The following SOX5 variants were observed in gnomAD, a reference collection of about 807,000 sequenced individuals.
SOX5 encodes transcription factor SOX-5.
Under a neutral mutation model 92.0 loss-of-function variants are expected in SOX5, and 9 were observed. That is an observed-to-expected ratio of 0.10 (90% CI 0.06 to 0.17). The LOEUF is 0.17. SOX5 is among the 10% of genes least tolerant of loss of function. The probability of loss-of-function intolerance (pLI) is 1.00; values close to 1 mark genes in which losing one functional copy is unlikely to be tolerated. For synonymous variants in SOX5, 344 were observed against 336.3 expected (o/e 1.02, Z -0.25); for missense variants, 642 against 944.5 (o/e 0.68, Z 4.20).
chr12:24,458,989 C>A (rs1253130445), intron 1 of SOX5, among the ~76,000 whole-genome samples: 2 of 152,070 alleles, frequency 1.3e-5, no homozygotes, highest in Admixed American at 1.3e-4. Context: ...AGATGAACTA[C>A]CCAAAAAGAC....
chr12:23,982,811 T>C (rs1369708278), intron 4 of SOX5, among the ~76,000 whole-genome samples: 1 of 151,874 alleles, frequency 6.6e-6, no homozygotes, highest in East Asian at 1.9e-4. Context: ...AATAATAATA[T>C]CTTTTAAATT....
At chr12:23,802,881 G>C (rs1305974583) in intron 3 of SOX5, among the ~76,000 whole-genome samples, 1 of 152,072 alleles carries the variant, frequency 6.6e-6, no homozygotes, top group Non-Finnish European at 1.5e-5. Context: ...GATCCGATTA[G>C]TAACTGCCTA....
chr12:24,420,484 T>G (rs1046665387), intron 1 of SOX5, among the ~76,000 whole-genome samples: 3 of 152,184 alleles, frequency 2.0e-5, no homozygotes, highest in Admixed American at 6.5e-5. Flanking sequence ...GGAGAATGCT[T>G]AAATTCATGA....
chr12:23,937,838 A>G (rs1942912707), intron 1 of SOX5, among the ~76,000 whole-genome samples: 1 of 150,948 alleles, frequency 6.6e-6, no homozygotes, highest in Non-Finnish European at 1.5e-5. Context: ...TCAAAACCCT[A>G]TGGTTTTTCT....
chr12:23,941,401 C>T (rs1402345345), intron 1 of SOX5, among the ~76,000 whole-genome samples: 2 of 151,358 alleles, frequency 1.3e-5, no homozygotes, highest in Non-Finnish European at 3.0e-5. Flanking sequence ...AAATTAGATC[C>T]ATATTATTTT....
intron 6 of SOX5, among the ~76,000 whole-genome samples, chr12:23,719,912 C>T (rs958069817): frequency 6.6e-6 from 1 of 150,590 alleles, no homozygotes; most frequent in African/African-American, 2.4e-5. Flanking sequence ...ATGGGAATGA[C>T]TGGGTACAAA....
chr12:24,379,695 C>T (rs151035603), intron 1 of SOX5, among the ~76,000 whole-genome samples: 2 of 152,264 alleles, frequency 1.3e-5, no homozygotes, highest in East Asian at 1.9e-4. Context: ...GTGTGACTCC[C>T]GGGTTCCAAC....
intron 1 of SOX5, among the ~76,000 whole-genome samples, chr12:24,384,564 C>T (rs1427754704): frequency 6.6e-6 from 1 of 152,146 alleles, no homozygotes; most frequent in Non-Finnish European, 1.5e-5. Flanking sequence ...AAATCTTATG[C>T]AGAGGCTGCT....
chr12:23,547,743 T>C (rs1943411525), intron 11 of SOX5, among the ~76,000 whole-genome samples: 1 of 152,112 alleles, frequency 6.6e-6, no homozygotes, highest in Non-Finnish European at 1.5e-5. Flanking sequence ...GTAGAGAAAC[T>C]GGAGACAAAA....
intron 1 of SOX5, among the ~76,000 whole-genome samples, chr12:24,402,310 G>C (rs1263772301): frequency 6.6e-6 from 1 of 152,078 alleles, no homozygotes; most frequent in Non-Finnish European, 1.5e-5. Flanking sequence ...TGTAAATCCA[G>C]AAATATGAAA....
chr12:23,621,773 A>C (rs1336731059), intron 8 of SOX5, among the ~76,000 whole-genome samples: 1 of 152,158 alleles, frequency 6.6e-6, no homozygotes, highest in Non-Finnish European at 1.5e-5. Context: ...AAGTTAAAGA[A>C]TGCTCTGAAA....
At position 24,275,538 on chromosome 12, in the gene SOX5, C is replaced by T. The variant is rs537278850; in HGVS notation, c.-77+1678G>A. 3.3e-5 allele frequency among the ~76,000 whole-genome samples: 5 copies of T among 152,126 alleles called. No homozygotes were observed. The East Asian group carries it at 5.8e-4, about 18-fold the overall frequency. The stretch of plus-strand genomic sequence containing the variant: ...TGAAATACTCATTTCATTCTGGTTG[C>T]AGGATATCCCATCATATAAATGTAT... On this transcript the variant is annotated intron_variant, in intron 3 of 4. Transcript: ENST00000446891.
upstream of SOX5, among the ~76,000 whole-genome samples, chr12:23,956,001 A>G (rs1946238720): frequency 6.6e-6 from 1 of 152,172 alleles, no homozygotes; most frequent in South Asian, 2.1e-4. Flanking sequence ...TTAGTACACA[A>G]CATTCAGAGA....
chr12:23,885,572 A>G (rs1242278261), intron 2 of SOX5, among the ~76,000 whole-genome samples: 3 of 152,120 alleles, frequency 2.0e-5, no homozygotes, highest in Non-Finnish European at 2.9e-5. Flanking sequence ...AAGACACAAA[A>G]TCTAGTCACT....
chr12:23,836,766 G>T (rs941092206), intron 3 of SOX5, among the ~76,000 whole-genome samples: 2 of 151,846 alleles, frequency 1.3e-5, no homozygotes, highest in African/African-American at 4.8e-5. Flanking sequence ...ATCACAACCT[G>T]CTGTTCATTT....
intron 1 of SOX5, among the ~76,000 whole-genome samples, chr12:24,444,980 C>A (rs1941239549): frequency 6.6e-6 from 1 of 152,146 alleles, no homozygotes; most frequent in Admixed American, 6.5e-5. Context: ...CCAAAGACAA[C>A]ACTACAGCAA....
chr12:23,558,556 C>G (rs1427081821), intron 11 of SOX5, among the ~76,000 whole-genome samples: 2 of 152,186 alleles, frequency 1.3e-5, no homozygotes, highest in Non-Finnish European at 2.9e-5. Flanking sequence ...ACTCATGCCA[C>G]CAACCTCCTA....
intron 2 of SOX5, among the ~76,000 whole-genome samples, chr12:24,362,866 GAAAAA>G (rs35979193): frequency 2.0e-5 from 2 of 102,156 alleles, no homozygotes; most frequent in African/African-American, 3.9e-5. Context: ...AAACCACAGT[GAAAAA>G]AAAAAAAAAA....
chr12:23,678,297 G>C (rs1287771198), intron 6 of SOX5, among the ~76,000 whole-genome samples: 1 of 152,086 alleles, frequency 6.6e-6, no homozygotes, highest in Non-Finnish European at 1.5e-5. Context: ...TCTGAGCAAA[G>C]TATGGCTAAT....
Sources: gnomAD v4.1 joint callset for allele counts (sites outside exome capture counted in the v4.1 genomes callset) on GRCh38, gnomAD v4.1.1 for gene constraint, MANE v1.5 for transcripts, NCBI Gene and HGNC (gene_info 2026-07-23, HGNC 2026-07-21) for gene names.